Variants in ELP2 observed in about 807,000 individuals in gnomAD.
The protein encoded by ELP2 is elongator acetyltransferase complex subunit 2.
Under a neutral mutation model 119.2 loss-of-function variants are expected in ELP2, and 90 were observed. The observed-to-expected ratio is 0.75, with a 90% CI of 0.64 to 0.90. The LOEUF (loss-of-function observed/expected upper bound fraction) is 0.90. Ranked by LOEUF, ELP2 falls within the 40% of genes least tolerant of loss-of-function variation. The pLI, the probability that ELP2 is intolerant of heterozygous loss-of-function variation, is 0.00. For synonymous variants in ELP2, 339 were observed against 331.0 expected (o/e 1.02, Z -0.26); for missense variants, 921 against 967.8 (o/e 0.95, Z 0.64).
intron 11 of ELP2, 34 bp from the exon 12 acceptor site, chr18:36,154,816 A>G: frequency 6.2e-7 from 1 of 1,613,116 alleles, no homozygotes; most frequent in South Asian, 1.1e-5. Flanking sequence ...GTCTTTGAGT[A>G]TTTTGATATG....
chr18:36,174,945 G>A lies in ELP2; in HGVS notation c.*304G>A, dbSNP rs1355666737. The A allele has an allele frequency of 5.9e-6, 2 of 341,284 alleles. No individual in the cohort carries two copies. Among genetic ancestry groups the A allele is most frequent in the South Asian group, 2.7e-5 (1 of 36,442 alleles). The allele number at this position is 341,284 out of a possible 1,614,324, so 21.1% of individuals were successfully genotyped here. A position where few individuals can be genotyped will look rare whatever the true frequency, so the allele number is the denominator to read the frequency against. On this transcript the variant is annotated 3_prime_UTR_variant, in exon 22 of 22. Coordinates refer to ENST00000358232, the MANE Select transcript of ELP2 (RefSeq NM_018255.4). ...TCGTCTCAGGTGATCTGCTTGCCTCGGCCTCCCAAAGTGCTGGGATTACAG... is the reference window on the plus strand; with the variant it reads ...TCGTCTCAGGTGATCTGCTTGCCTCAGCCTCCCAAAGTGCTGGGATTACAG...
At chr18:36,161,925 TCTA>T (rs1053806779) in intron 17 of ELP2, among the ~76,000 whole-genome samples, 1 of 152,200 alleles carries the variant, frequency 6.6e-6, no homozygotes, top group African/African-American at 2.4e-5. Flanking sequence ...TGTCTGGGCT[TCTA>T]CTGAGCAGAT....
At chr18:36,136,507 A>T in intron 3 of ELP2, 130 bp downstream of exon 3, 1 of 767,060 alleles carries the variant, frequency 1.3e-6, no homozygotes, top group Non-Finnish European at 2.4e-6. Flanking sequence ...CCTCCTAAGT[A>T]GCTGGGACTA....
intron 17 of ELP2, among the ~76,000 whole-genome samples, chr18:36,163,602 C>G (rs919221772): frequency 2.0e-5 from 3 of 151,884 alleles, no homozygotes; most frequent in African/African-American, 7.3e-5. Flanking sequence ...GCCTTTAGAC[C>G]TATGATACTT....
rs375343630 is a variant in ELP2 at position 36,170,170 on chromosome 18, C to A, written c.2184C>A (p.Val728=). Residue 728 remains valine, a synonymous_variant, in exon 20 of 22, where the codon GTC becomes GTA. Coordinates refer to ENST00000358232, the MANE Select transcript of ELP2 (RefSeq NM_018255.4). ...GTGGGGCTGTGACAGCTGTCAGCGT[C>A]TGCCCAGTGCTCCACCCTTCTCAAC... The part of the protein sequence containing the change: ...DVGGAVTAVS[V]CPVLHPSQRY... 3 of 1,614,162 alleles carry A rather than the reference C, an allele frequency of 1.9e-6. No homozygotes were observed. The Admixed American group carries it at 5.0e-5, about 27-fold the overall frequency.
rs762558442 is a variant in ELP2 at position 36,174,643 on chromosome 18, G to A, written c.*2G>A. On this transcript the variant is annotated 3_prime_UTR_variant, in exon 22 of 22. Coordinates refer to ENST00000358232, the MANE Select transcript of ELP2 (RefSeq NM_018255.4). Reference sequence around the variant, plus strand: ...AGAGTCAATAAATGTGCACTGTAATGGACTTAATAACTACATGCTTGCAGT... The same window carrying A: ...AGAGTCAATAAATGTGCACTGTAATAGACTTAATAACTACATGCTTGCAGT... 2.0e-5 allele frequency: 33 copies of A among 1,613,716 alleles called. No homozygotes were observed. The highest frequency in any genetic ancestry group is 2.6e-5 in the Non-Finnish European group (31 of 1,179,788).
rs1025025110 is a variant in ELP2 at position 36,177,012 on chromosome 18, C to T, written c.*2371C>T. On this transcript the variant is annotated 3_prime_UTR_variant, in exon 22 of 22. Coordinates refer to ENST00000358232, the MANE Select transcript of ELP2 (RefSeq NM_018255.4). ...TGTGTGCGTTTGAGGCTATATTACTCATTGCTACGGCAGTTCAAAATGACT... is the reference window on the plus strand; with the variant it reads ...TGTGTGCGTTTGAGGCTATATTACTTATTGCTACGGCAGTTCAAAATGACT... The T allele has an allele frequency of 6.6e-6, 1 of 152,140 alleles. No individual in the cohort carries two copies. The highest frequency in any genetic ancestry group is 2.4e-5 in the African/African-American group (1 of 41,418). The allele number at this position is 152,140 out of a possible 1,614,324, so 9.4% of individuals were successfully genotyped here.
At chr18:36,130,708 C>T (rs987947921) in intron 1 of ELP2, among the ~76,000 whole-genome samples, 1 of 152,054 alleles carries the variant, frequency 6.6e-6, no homozygotes. Context: ...TGCATGCTCC[C>T]CGGAATTCAT....
chr18:36,157,460 A>G (rs954462916), intron 13 of ELP2, among the ~76,000 whole-genome samples: 5 of 152,128 alleles, frequency 3.3e-5, no homozygotes, highest in Admixed American at 1.3e-4. Flanking sequence ...TACCTGTTGG[A>G]CTGAAGACTG....
rs1035126816 is a variant in ELP2, at chr18:36,178,552, C to T, written c.*3911C>T. 3 of 152,040 alleles carry T rather than the reference C, an allele frequency of 2.0e-5. No homozygotes were observed. Among genetic ancestry groups the T allele is most frequent in the Admixed American group, 2.0e-4 (3 of 15,252 alleles). 9.4% of individuals were successfully genotyped at this position (152,040 alleles called of 1,614,324 possible). The stretch of plus-strand genomic sequence containing the variant: ...GCTTAAGGGACAAAGCAAATTTGAA[C>T]TCTGGCTGGATATTTGATGATATTA... On this transcript the variant is annotated 3_prime_UTR_variant, in exon 22 of 22. Coordinates refer to ENST00000358232, the MANE Select transcript of ELP2 (RefSeq NM_018255.4).
At chr18:36,151,735 C>G (rs898369543) in intron 11 of ELP2, among the ~76,000 whole-genome samples, 1 of 136,608 alleles carries the variant, frequency 7.3e-6, no homozygotes, top group African/African-American at 2.7e-5. Flanking sequence ...ATCTTCTGTT[C>G]TGTTCTGTTT....
intron 6 of ELP2, 198 bp downstream of exon 6, chr18:36,141,399 C>A: frequency 1.7e-6 from 1 of 590,948 alleles, no homozygotes. Context: ...GACCATCAGG[C>A]TCAGAGTTGT....
chr18:36,159,894 T>C, intron 15 of ELP2, 64 bp downstream of exon 15: 2 of 1,604,792 alleles, frequency 1.2e-6, no homozygotes, highest in South Asian at 1.1e-5. Context: ...CTATTGCTGC[T>C]GACCTAAATA....
In ELP2 at chr18:36,139,506, T is replaced by C. The variant is rs867052419; in HGVS notation, c.523+634T>C. ...CTCTGTAGCAGGAGCTGCGACTCTA[T>C]GGTTTCATGTTACGCTTCCATTCTG... On this transcript the variant is annotated intron_variant, in intron 5 of 21. Coordinates refer to ENST00000358232, the MANE Select transcript of ELP2 (RefSeq NM_018255.4). 29 of 1,535,604 alleles carry C rather than the reference T, an allele frequency of 1.9e-5. No homozygotes were observed. The highest frequency in any genetic ancestry group is 9.8e-5 in the Admixed American group (5 of 50,988).
chr18:36,137,790 C>A lies in ELP2; in HGVS notation c.289-480C>A, dbSNP rs146630517. Among the ~76,000 whole-genome samples the A allele has an allele frequency of 9.7e-5, 11 of 112,856 alleles. No individual in the cohort carries two copies. The East Asian group carries it at 2.8e-3, about 29-fold the overall frequency. The allele number at this position is 112,856 out of a possible 152,430, so 74.0% of individuals were successfully genotyped here. On this transcript the variant is annotated intron_variant, in intron 3 of 21. Transcript: ENST00000358232. ...AATGTTTATTCAATCCCAAAGTATA[C>A]TCATATTATCACCAAAAAAAAAAAA...
intron 13 of ELP2, among the ~76,000 whole-genome samples, chr18:36,156,952 A>T (rs1195706350): frequency 6.6e-6 from 1 of 152,198 alleles, no homozygotes; most frequent in Non-Finnish European, 1.5e-5. Context: ...AAAATAAAAG[A>T]TGGATACTGT....
chr18:36,159,833 A>G lies in ELP2; in HGVS notation c.1630+3A>G. ...CTTTCAGCCCTCCATACTTACTGGT[A>G]AGATGTGACAAAGACAATTTAATAA... On this transcript the variant is annotated splice_donor_region_variant and intron_variant, in intron 15 of 21. Coordinates refer to ENST00000358232, the MANE Select transcript of ELP2 (RefSeq NM_018255.4). 6.2e-7 allele frequency: 1 copy of G among 1,613,168 alleles called. No individual in the cohort carries two copies. Among genetic ancestry groups the G allele is most frequent in the South Asian group, 1.1e-5 (1 of 91,062 alleles).
chr18:36,163,114 A>G (rs186619575), intron 17 of ELP2, among the ~76,000 whole-genome samples: 2 of 152,210 alleles, frequency 1.3e-5, no homozygotes, highest in East Asian at 3.9e-4. Flanking sequence ...ATGTCCATGT[A>G]TACCCATTGT....
Position 36,129,904 on chromosome 18 carries a change from T to C in ELP2, c.-30T>C, listed in dbSNP as rs1306192749. Reference sequence around the variant, plus strand: ...CGCTCCGAGGGCGGAAGTGCGCGTCTCTTGTTTGTGCGGCTGACCAGTTGG... The same window carrying C: ...CGCTCCGAGGGCGGAAGTGCGCGTCCCTTGTTTGTGCGGCTGACCAGTTGG... On this transcript the variant is annotated 5_prime_UTR_variant, in exon 1 of 22. Coordinates refer to ENST00000358232, the MANE Select transcript of ELP2 (RefSeq NM_018255.4). 1.9e-6 allele frequency: 3 copies of C among 1,614,072 alleles called. No individual in the cohort carries two copies. Among genetic ancestry groups the C allele is most frequent in the Admixed American group, 1.7e-5 (1 of 60,024 alleles).
Sources: gnomAD v4.1 joint callset for allele counts (sites outside exome capture counted in the v4.1 genomes callset) on GRCh38, gnomAD v4.1.1 for gene constraint, MANE v1.5 for transcripts, NCBI Gene and HGNC (gene_info 2026-07-23, HGNC 2026-07-21) for gene names.